The following SRRM1 variants were observed in gnomAD, a reference collection of about 807,000 sequenced individuals.
SRRM1 encodes the protein serine/arginine repetitive matrix protein 1.
In SRRM1, 19 loss-of-function variants were observed where a neutral mutation model predicts 110.2. That is an observed-to-expected ratio of 0.17 (90% CI 0.12 to 0.25). SRRM1 has a LOEUF of 0.25. Ranked by LOEUF, SRRM1 falls within the 10% of genes least tolerant of loss-of-function variation. The pLI, the probability that SRRM1 is intolerant of heterozygous loss-of-function variation, is 1.00. For missense variants in SRRM1, 918 were observed against 1,145.8 expected, an observed-to-expected ratio of 0.80 and a Z score of 2.87; for synonymous variants, 443 against 414.9, an observed-to-expected ratio of 1.07 and a Z score of -0.82.
intron 13 of SRRM1, 146 bp downstream of exon 13, chr1:24,667,071 A>T (rs975694126): frequency 1.7e-6 from 1 of 593,882 alleles, no homozygotes; most frequent in African/African-American, 1.9e-5. Context: ...CATCATGCTT[A>T]TGAACTACAA....
intron 4 of SRRM1, 49 bp from the exon 5 acceptor site, chr1:24,649,918 AGTTT>A (rs1659647647): frequency 1.4e-6 from 2 of 1,458,712 alleles, no homozygotes; most frequent in Admixed American, 2.8e-5. Flanking sequence ...AGTAGTCTTC[AGTTT>A]GTTCTCAAAT....
intron 1 of SRRM1, 94 bp downstream of exon 1, chr1:24,643,441 G>A: frequency 8.8e-7 from 1 of 1,130,322 alleles, no homozygotes; most frequent in Non-Finnish European, 1.2e-6. Context: ...GCCAGCGAGG[G>A]GAGCTTCGGA....
chr1:24,657,234 C>T (rs1664650210), intron 9 of SRRM1, among the ~76,000 whole-genome samples: 1 of 152,178 alleles, frequency 6.6e-6, no homozygotes, highest in South Asian at 2.1e-4. Context: ...AAACTGATCC[C>T]AGCCCTCTGT....
intron 7 of SRRM1, 86 bp downstream of exon 7, chr1:24,652,714 G>T: frequency 2.2e-6 from 3 of 1,355,494 alleles, no homozygotes; most frequent in Non-Finnish European, 3.0e-6. Flanking sequence ...TTTCAAAGTG[G>T]TAGAAGATGT....
chr1:24,653,798 A>G (rs1360525684), intron 8 of SRRM1, among the ~76,000 whole-genome samples: 1 of 152,228 alleles, frequency 6.6e-6, no homozygotes, highest in Non-Finnish European at 1.5e-5. Context: ...GCTTGGGAAG[A>G]AATGCCGATG....
chr1:24,659,913 T>G (rs947324967), intron 9 of SRRM1, among the ~76,000 whole-genome samples: 1 of 152,240 alleles, frequency 6.6e-6, no homozygotes, highest in Non-Finnish European at 1.5e-5. Context: ...GAAAGAATCC[T>G]CGTCTTTGTA....
At position 24,661,186 on chromosome 1, in the gene SRRM1, AT is replaced by A. The variant is rs557472432; in HGVS notation, c.1397-123del. On this transcript the variant is annotated intron_variant, in intron 10 of 16. Coordinates refer to ENST00000323848, the MANE Select transcript of SRRM1 (RefSeq NM_005839.4). ...GCATTTTAAACTCTTTTTAAAAAAAATATATAGTAGTTGTATTTTTGATCCA... is the reference window on the plus strand; with the variant it reads ...GCATTTTAAACTCTTTTTAAAAAAAAATATAGTAGTTGTATTTTTGATCCA... 22 of 620,828 alleles carry A rather than the reference AT, an allele frequency of 3.5e-5. 1 individual carries two copies. The highest frequency in any genetic ancestry group is 9.0e-5 in the Admixed American group (3 of 33,256). The allele number at this position is 620,828 out of a possible 1,614,324, so 38.5% of individuals were successfully genotyped here.
At chr1:24,669,016 C>G in intron 13 of SRRM1, 107 bp from the exon 14 acceptor site, 1 of 800,500 alleles carries the variant, frequency 1.2e-6, no homozygotes, top group Non-Finnish European at 2.0e-6. Context: ...TAAATATATT[C>G]CCTTTGCCTA....
chr1:24,645,479 C>T (rs1318546208), intron 1 of SRRM1, among the ~76,000 whole-genome samples: 6 of 152,204 alleles, frequency 3.9e-5, no homozygotes, highest in African/African-American at 1.4e-4. Context: ...GTAACCCTGT[C>T]TTCTTCACTC....
intron 12 of SRRM1, chr1:24,663,110 G>T: frequency 7.6e-7 from 1 of 1,318,578 alleles, no homozygotes; most frequent in South Asian, 1.5e-5. Flanking sequence ...CTCCATTAAT[G>T]GTACTTAATC....
chr1:24,663,314 A>G, intron 12 of SRRM1: 2 of 987,370 alleles, frequency 2.0e-6, no homozygotes, highest in South Asian at 1.9e-5. Flanking sequence ...TCTCATTCTT[A>G]AATATATGGT....
chr1:24,660,705 T>G lies in SRRM1; in HGVS notation c.1316-14T>G. ...TTTGTACGTAAGCTTTTTTCCACTC[T>G]TATTCTTTTTTAGTGACAAAACATA... On this transcript the variant is annotated splice_polypyrimidine_tract_variant and intron_variant, in intron 9 of 16. Coordinates refer to ENST00000323848, the MANE Select transcript of SRRM1 (RefSeq NM_005839.4). The G allele has an allele frequency of 1.3e-6, 2 of 1,499,372 alleles. No individual in the cohort carries two copies. Among genetic ancestry groups the G allele is most frequent in the Non-Finnish European group, 1.8e-6 (2 of 1,110,412 alleles). 92.9% of individuals were successfully genotyped at this position (1,499,372 alleles called of 1,614,324 possible).
intron 11 of SRRM1, among the ~76,000 whole-genome samples, chr1:24,661,922 C>T (rs1472548503): frequency 2.6e-5 from 4 of 152,046 alleles, no homozygotes; most frequent in Admixed American, 1.3e-4. Flanking sequence ...CCCATCTCTA[C>T]GAAAAATACA....
chr1:24,656,667 C>G (rs983684757), intron 9 of SRRM1, among the ~76,000 whole-genome samples: 1 of 152,118 alleles, frequency 6.6e-6, no homozygotes, highest in Non-Finnish European at 1.5e-5. Flanking sequence ...CCACAAAGCT[C>G]TCCAGGGAAA....
rs773133921 is a variant in SRRM1 at position 24,649,054 on chromosome 1, T to G, written c.405+25T>G. On this transcript the variant is annotated intron_variant, in intron 4 of 16. Coordinates refer to ENST00000323848, the MANE Select transcript of SRRM1 (RefSeq NM_005839.4). ...GGTAATAACCTTTTCTTTTCTGTAATGTCGATTTGAGAGTATTGGCCAGGC... is the reference window on the plus strand; with the variant it reads ...GGTAATAACCTTTTCTTTTCTGTAAGGTCGATTTGAGAGTATTGGCCAGGC... 6 of 1,605,078 alleles carry G rather than the reference T, an allele frequency of 3.7e-6. No homozygotes were observed. The South Asian group carries it at 6.7e-5, about 18-fold the overall frequency.
intron 10 of SRRM1, 153 bp downstream of exon 10, chr1:24,660,952 G>A (rs899233740): frequency 3.6e-6 from 2 of 548,966 alleles, no homozygotes; most frequent in Non-Finnish European, 3.3e-6. Flanking sequence ...AGACTTGGGT[G>A]GAATCCCCCA....
intron 6 of SRRM1, among the ~76,000 whole-genome samples, chr1:24,652,029 AATATATATATAT>A (rs1215778545): frequency 0.023 from 1,826 of 79,872 alleles, 111 homozygotes; most frequent in African/African-American, 0.069. Flanking sequence ...CTGTACTAAA[AATATATATATAT>A]ATATATATAT....
intron 1 of SRRM1, among the ~76,000 whole-genome samples, chr1:24,645,464 T>C (rs566216524): frequency 6.6e-6 from 1 of 152,366 alleles, no homozygotes; most frequent in East Asian, 1.9e-4. Context: ...ATTGAGTTTA[T>C]TTAGGTAACC....
Position 24,655,144 on chromosome 1 carries a change from C to T in SRRM1, c.1315+15C>T, listed in dbSNP as rs1557687955. 3 of 1,611,302 alleles carry T rather than the reference C, an allele frequency of 1.9e-6. No individual in the cohort carries two copies. The highest frequency in any genetic ancestry group is 1.1e-5 in the South Asian group (1 of 91,048). The stretch of plus-strand genomic sequence containing the variant: ...TTCAGGTAAAGGTAAAAATCAAACA[C>T]ATATGAAACATGGTCTCTCTTTCTT... On this transcript the variant is annotated intron_variant, in intron 9 of 16. Transcript: ENST00000323848.
Sources: allele counts gnomAD v4.1 joint callset (sites outside exome capture counted in the v4.1 genomes callset), GRCh38; gene constraint gnomAD v4.1.1; transcripts MANE v1.5; gene names NCBI Gene and HGNC (gene_info 2026-07-23, HGNC 2026-07-21).